Variants in GRIN2A observed in about 807,000 individuals in gnomAD.
GRIN2A encodes the protein glutamate receptor ionotropic, NMDA 2A.
Under a neutral mutation model 113.4 loss-of-function variants are expected in GRIN2A, and 22 were observed. The observed-to-expected ratio is 0.19, with a 90% CI of 0.14 to 0.28. The LOEUF (loss-of-function observed/expected upper bound fraction) is 0.28. Among genes scored for constraint, GRIN2A ranks in the 10% least tolerant of loss-of-function variants. The pLI, the probability that GRIN2A is intolerant of heterozygous loss-of-function variation, is 1.00. For synonymous variants in GRIN2A, 827 were observed against 738.4 expected (o/e 1.12, Z -1.94); for missense variants, 1,502 against 1,887.0 (o/e 0.80, Z 3.78).
chr16:9,922,159 T>C (rs1484793099), intron 3 of GRIN2A, among the ~76,000 whole-genome samples: 1 of 152,100 alleles, frequency 6.6e-6, no homozygotes, highest in East Asian at 1.9e-4. Context: ...GGGAGTGTGA[T>C]GATATTGCAA....
chr16:9,908,846 C>T (rs778076420), intron 3 of GRIN2A, among the ~76,000 whole-genome samples: 30 of 151,940 alleles, frequency 2.0e-4, no homozygotes, highest in Admixed American at 3.3e-4. Context: ...TGCACCACAC[C>T]GTGGCCTGGC....
At chr16:9,809,135 G>A (rs1325272837) in intron 10 of GRIN2A, among the ~76,000 whole-genome samples, 1 of 152,100 alleles carries the variant, frequency 6.6e-6, no homozygotes, top group African/African-American at 2.4e-5. Context: ...ATATACAAAT[G>A]CAGACCGGGC....
intron 2 of GRIN2A, among the ~76,000 whole-genome samples, chr16:10,113,985 A>G (rs940422615): frequency 5.3e-5 from 8 of 152,094 alleles, no homozygotes; most frequent in Non-Finnish European, 1.2e-4. Context: ...AGAGTTCAAG[A>G]CCAACCTGGA....
At chr16:9,962,910 G>A (rs909403155) in intron 2 of GRIN2A, among the ~76,000 whole-genome samples, 19 of 151,974 alleles carry the variant, frequency 1.3e-4, no homozygotes, top group Non-Finnish European at 1.5e-4. Flanking sequence ...AGAAAATGTG[G>A]CACATATACA....
intron 2 of GRIN2A, among the ~76,000 whole-genome samples, chr16:10,111,025 G>A (rs985298072): frequency 6.6e-6 from 1 of 152,156 alleles, no homozygotes; most frequent in African/African-American, 2.4e-5. Context: ...ATATCAGCTC[G>A]ACCAATTAAG....
intron 2 of GRIN2A, among the ~76,000 whole-genome samples, chr16:10,160,286 T>C (rs758128666): frequency 6.6e-6 from 1 of 152,118 alleles, no homozygotes; most frequent in Non-Finnish European, 1.5e-5. Context: ...GATGAAGTCA[T>C]CAATACAAGC....
chr16:10,179,954 G>T, intron 2 of GRIN2A, 44 bp downstream of exon 2: 1 of 1,568,320 alleles, frequency 6.4e-7, no homozygotes. Context: ...CCATGCAGCT[G>T]GTGGCTTCCC....
Position 10,013,959 on chromosome 16 carries a change from G to C in GRIN2A, c.415-75408C>G, listed in dbSNP as rs998646147. 6.5e-4 allele frequency among the ~76,000 whole-genome samples: 99 copies of C among 152,124 alleles called. 2 individuals are homozygous for C. Among genetic ancestry groups the C allele is most frequent in the Non-Finnish European group, 1.6e-4 (11 of 68,018 alleles). On this transcript the variant is annotated intron_variant, in intron 2 of 12. Coordinates refer to ENST00000330684, the MANE Select transcript of GRIN2A (RefSeq NM_001134407.3). ...CCGTCTCAGACCAGCTACCAGTCTG[G>C]GTCAAGCTCCTCTGTTGAATGATAT...
chr16:9,940,609 A>C (rs1389606920), intron 2 of GRIN2A, among the ~76,000 whole-genome samples: 2 of 152,176 alleles, frequency 1.3e-5, no homozygotes, highest in African/African-American at 4.8e-5. Context: ...ATGAAGCCTA[A>C]AGGACTGTCC....
intron 11 of GRIN2A, among the ~76,000 whole-genome samples, chr16:9,774,376 C>A (rs368317563): frequency 4.6e-5 from 7 of 152,170 alleles, no homozygotes; most frequent in African/African-American, 1.4e-4. Context: ...GATAGTAACA[C>A]AGAGGTATTA....
In GRIN2A at chr16:9,763,967, A is replaced by G. The variant is rs1016506983; in HGVS notation, c.3577T>C (p.Leu1193=). The part of the protein sequence containing the change: ...QYKLYSKHFT[L]KDKGSPHSET... ...CTGTGCGGGGAACCCTTGTCTTTCA[A>G]GGTGAAGTGCTTGGAGTAGAGTTTA... Residue 1193 remains leucine, a synonymous_variant, in exon 13 of 13, where the codon TTG becomes CTG. Transcript: ENST00000330684. 2 of 1,613,992 alleles carry G rather than the reference A, an allele frequency of 1.2e-6. No individual in the cohort carries two copies. Among genetic ancestry groups the G allele is most frequent in the African/African-American group, 2.7e-5 (2 of 74,922 alleles).
chr16:10,079,062 G>A (rs537991155), intron 2 of GRIN2A, among the ~76,000 whole-genome samples: 1 of 152,256 alleles, frequency 6.6e-6, no homozygotes, highest in East Asian at 1.9e-4. Context: ...CATCTGTGAG[G>A]ACTGAAGGTC....
intron 5 of GRIN2A, among the ~76,000 whole-genome samples, chr16:9,848,610 C>A (rs888424476): frequency 6.8e-6 from 1 of 146,930 alleles, no homozygotes; most frequent in African/African-American, 2.5e-5. Context: ...AATATATGAT[C>A]TTTTATATTT....
At chr16:9,811,286 G>C (rs2042082011) in intron 10 of GRIN2A, among the ~76,000 whole-genome samples, 1 of 152,150 alleles carries the variant, frequency 6.6e-6, no homozygotes, top group African/African-American at 2.4e-5. Flanking sequence ...AAGATGTTGG[G>C]TCTTCAACTG....
chr16:10,115,341 C>A (rs1339744102), intron 2 of GRIN2A, among the ~76,000 whole-genome samples: 1 of 152,100 alleles, frequency 6.6e-6, no homozygotes, highest in Non-Finnish European at 1.5e-5. Context: ...ACTTGCTATA[C>A]CATCAACATA....
intron 2 of GRIN2A, among the ~76,000 whole-genome samples, chr16:10,147,675 C>T (rs1047809544): frequency 1.3e-5 from 2 of 150,960 alleles, no homozygotes; most frequent in Non-Finnish European, 3.0e-5. Context: ...GAAGTGTATA[C>T]AGGGTCCAAC....
At chr16:10,100,991 C>G (rs2048383957) in intron 2 of GRIN2A, among the ~76,000 whole-genome samples, 1 of 152,220 alleles carries the variant, frequency 6.6e-6, no homozygotes, top group Admixed American at 6.5e-5. Flanking sequence ...GTGCAGGTTA[C>G]TGACATCCTC....
chr16:10,169,419 A>G (rs981549944), intron 2 of GRIN2A, among the ~76,000 whole-genome samples: 2 of 152,208 alleles, frequency 1.3e-5, no homozygotes, highest in African/African-American at 2.4e-5. Flanking sequence ...CTGGATCTCT[A>G]TCATTGTTGT....
chr16:9,819,721 T>G (rs2042245588), intron 10 of GRIN2A, among the ~76,000 whole-genome samples: 1 of 151,946 alleles, frequency 6.6e-6, no homozygotes, highest in African/African-American at 2.4e-5. Flanking sequence ...CCCAGCACTT[T>G]GGAAGGCCAA....
Sources: allele counts gnomAD v4.1 joint callset (sites outside exome capture counted in the v4.1 genomes callset), GRCh38; gene constraint gnomAD v4.1.1; transcripts MANE v1.5; gene names NCBI Gene and HGNC (gene_info 2026-07-23, HGNC 2026-07-21).